The following SLC39A9 variants were observed in gnomAD, a reference collection of about 807,000 sequenced individuals.
SLC39A9 encodes solute carrier family 39 member 9, also known as zinc transporter ZIP9.
SLC39A9 carries 14 observed loss-of-function variants against 28.4 expected under a neutral mutation model. The observed-to-expected ratio is 0.49, with a 90% CI of 0.33 to 0.77. The LOEUF is 0.77. Among genes scored for constraint, SLC39A9 ranks in the 30% least tolerant of loss-of-function variants. The pLI is 0.02. For missense variants in SLC39A9, 283 were observed against 381.1 expected, an observed-to-expected ratio of 0.74 and a Z score of 2.14; for synonymous variants, 119 against 149.6, an observed-to-expected ratio of 0.80 and a Z score of 1.49.
intron 1 of SLC39A9, among the ~76,000 whole-genome samples, chr14:69,402,835 ACTTTGGGAGG>A (rs1882712053): frequency 6.6e-6 from 1 of 152,162 alleles, no homozygotes. Context: ...TAATCCCAGC[ACTTTGGGAGG>A]CTGAGGTGGG....
At chr14:69,457,848 G>T (rs560786427) in intron 6 of SLC39A9, among the ~76,000 whole-genome samples, 8 of 152,094 alleles carry the variant, frequency 5.3e-5, no homozygotes, top group Non-Finnish European at 1.2e-4. Flanking sequence ...GATTGTGCCT[G>T]TGAATAGCCA....
chr14:69,423,898 A>G (rs1884037032), intron 1 of SLC39A9, among the ~76,000 whole-genome samples, 196 bp from the exon 2 acceptor site: 1 of 33,284 alleles, frequency 3.0e-5, no homozygotes, highest in African/African-American at 5.0e-4. Flanking sequence ...TTCTGTCTCA[A>G]AAAAAAAAAA....
intron 3 of SLC39A9, among the ~76,000 whole-genome samples, chr14:69,452,907 T>C (rs1286446076): frequency 1.3e-5 from 2 of 152,096 alleles, no homozygotes; most frequent in South Asian, 4.1e-4. Context: ...GATTAAGGAA[T>C]AGGAGGAAGT....
Position 69,460,850 on chromosome 14 carries a change from T to C in SLC39A9, c.*2257T>C. The stretch of plus-strand genomic sequence containing the variant: ...TGCTGCCTCGAGAACTACTCATTTC[T>C]CTCCTGGTCAGCAGACAGAAATAGC... On this transcript the variant is annotated 3_prime_UTR_variant, in exon 7 of 7. Coordinates refer to ENST00000336643, the MANE Select transcript of SLC39A9 (RefSeq NM_018375.5). 3 of 985,430 alleles carry C rather than the reference T, an allele frequency of 3.0e-6. No homozygotes were observed. Among genetic ancestry groups the C allele is most frequent in the Non-Finnish European group, 3.6e-6 (3 of 829,942 alleles). The allele number at this position is 985,430 out of a possible 1,614,324, so 61.0% of individuals were successfully genotyped here.
In SLC39A9 at chr14:69,419,883, A is replaced by T. The variant is rs138361654; in HGVS notation, c.97-4211A>T. Among the ~76,000 whole-genome samples the T allele has an allele frequency of 5.9e-5, 9 of 152,184 alleles. No individual in the cohort carries two copies. The East Asian group carries it at 1.5e-3, about 26-fold the overall frequency. On this transcript the variant is annotated intron_variant, in intron 1 of 6. Coordinates refer to ENST00000336643, the MANE Select transcript of SLC39A9 (RefSeq NM_018375.5). ...TCCTCCATCCCTTTATTTTGAGCCT[A>T]TGTGTGTCCCTGCATGAGAGATGGG...
chr14:69,408,819 T>G (rs891669263), intron 1 of SLC39A9, among the ~76,000 whole-genome samples: 2 of 152,182 alleles, frequency 1.3e-5, no homozygotes, highest in African/African-American at 4.8e-5. Context: ...AGAAAAACAT[T>G]TTGAATTATT....
rs758966276 is a variant in SLC39A9 at position 69,424,073 on chromosome 14, T to C, written c.97-21T>C. On this transcript the variant is annotated intron_variant, in intron 1 of 6. Coordinates refer to ENST00000336643, the MANE Select transcript of SLC39A9 (RefSeq NM_018375.5). The stretch of plus-strand genomic sequence containing the variant: ...ATTAATTAATCAAAGTTTGCAATTA[T>C]TTCTTTTGCTTTCTCCCCAGGAACG... 33 of 1,592,836 alleles carry C rather than the reference T, an allele frequency of 2.1e-5. No individual in the cohort carries two copies. In the South Asian group the frequency reaches 3.4e-4, roughly 17 times the overall value.
chr14:69,447,034 T>C (rs904938599), intron 3 of SLC39A9, among the ~76,000 whole-genome samples: 2 of 151,620 alleles, frequency 1.3e-5, no homozygotes, highest in Admixed American at 1.3e-4. Flanking sequence ...GAAAGAGTGC[T>C]GGAGTTGGAA....
At chr14:69,436,140 G>A (rs762493709) in intron 2 of SLC39A9, among the ~76,000 whole-genome samples, 2 of 151,832 alleles carry the variant, frequency 1.3e-5, no homozygotes, top group African/African-American at 2.4e-5. Context: ...AGTGGCTCAC[G>A]CCTGTAATCC....
At chr14:69,412,155 C>T (rs1020854201) in intron 1 of SLC39A9, among the ~76,000 whole-genome samples, 9 of 151,470 alleles carry the variant, frequency 5.9e-5, no homozygotes, top group Non-Finnish European at 1.2e-4. Context: ...TTTGGGAGGC[C>T]GAGGCGGGTG....
chr14:69,461,821 G>C lies in SLC39A9; in HGVS notation c.*3228G>C. 7.1e-7 allele frequency: 1 copy of C among 1,417,712 alleles called. No homozygotes were observed. Among genetic ancestry groups the C allele is most frequent in the Non-Finnish European group, 9.5e-7 (1 of 1,051,874 alleles). 87.8% of individuals were successfully genotyped at this position (1,417,712 alleles called of 1,614,324 possible). On this transcript the variant is annotated 3_prime_UTR_variant, in exon 7 of 7. Coordinates refer to ENST00000336643, the MANE Select transcript of SLC39A9 (RefSeq NM_018375.5). ...AACCCCCAAAGGATGTTCCTGCCTT[G>C]TGGGCCCCTGAGCCCCTTGGGAGAC...
At chr14:69,404,904 A>G (rs1882831235) in intron 1 of SLC39A9, among the ~76,000 whole-genome samples, 1 of 152,180 alleles carries the variant, frequency 6.6e-6, no homozygotes, top group African/African-American at 2.4e-5. Flanking sequence ...GAGACTGGGT[A>G]ATTTATAAAC....
intron 6 of SLC39A9, 134 bp from the exon 7 acceptor site, chr14:69,458,229 C>A: frequency 1.9e-6 from 2 of 1,045,574 alleles, no homozygotes; most frequent in Non-Finnish European, 2.7e-6. Context: ...CTTAAAGTTG[C>A]TGTGTTCTCT....
chr14:69,444,132 G>A (rs1885179091), intron 3 of SLC39A9, among the ~76,000 whole-genome samples: 3 of 152,162 alleles, frequency 2.0e-5, no homozygotes, highest in Admixed American at 1.3e-4. Flanking sequence ...ACTACATTGA[G>A]CCACGATCAC....
intron 2 of SLC39A9, among the ~76,000 whole-genome samples, chr14:69,436,797 A>G (rs887384678): frequency 3.3e-5 from 5 of 152,146 alleles, no homozygotes; most frequent in African/African-American, 1.2e-4. Context: ...AGGTTTCTCT[A>G]TAGAGCTGTG....
At chr14:69,402,225 T>TA (rs879468233) in intron 1 of SLC39A9, among the ~76,000 whole-genome samples, 1,967 of 138,654 alleles carry the variant, frequency 0.014, 69 homozygotes, top group Admixed American at 0.079. Flanking sequence ...GGTGATGAGC[T>TA]AAAAAAAAAA....
intron 2 of SLC39A9, among the ~76,000 whole-genome samples, chr14:69,441,620 C>G (rs1046550390): frequency 1.3e-5 from 2 of 152,154 alleles, no homozygotes; most frequent in African/African-American, 4.8e-5. Context: ...CCTTATTTTA[C>G]ATTTTTATCT....
At position 69,458,530 on chromosome 14, in the gene SLC39A9, A is replaced by C. The variant is rs749744732; in HGVS notation, c.861A>C (p.Glu287Asp). Residue 287 changes from glutamate (E) to aspartate (D), a missense_variant, in exon 7 of 7, where the codon GAA (glutamate) becomes GAC (aspartate). Transcript: ENST00000336643. ...ATGGRGLSRLEVAALVLGCLI... is the reference protein window; with the variant it reads ...ATGGRGLSRLDVAALVLGCLI... ...GAGGGAGAGGCCTCAGCCGCCTGGA[A>C]GTGGCAGCCCTGGTTCTGGGTTGCC... is the stretch of plus-strand genomic sequence containing the variant. 10 of 1,614,214 alleles carry C rather than the reference A, an allele frequency of 6.2e-6. No individual in the cohort carries two copies. In the South Asian group the frequency reaches 1.1e-4, roughly 18 times the overall value.
chr14:69,453,288 G>A lies in SLC39A9; in HGVS notation c.451G>A (p.Gly151Ser), dbSNP rs752228108. 1.5e-5 allele frequency: 24 copies of A among 1,613,832 alleles called. No homozygotes were observed. Among genetic ancestry groups the A allele is most frequent in the Non-Finnish European group, 1.7e-6 (2 of 1,179,872 alleles). ...SSNSKITTTLGLVVHAAADGV... is the reference protein window; with the variant it reads ...SSNSKITTTLSLVVHAAADGV... ...CAATTCCAAAATCACCACCACGCTG[G>A]GTCTGGTTGTCCATGCTGCAGGTAG... The change falls in exon 4 of 7, where the codon GGT becomes AGT. Residue 151 changes from glycine (G) to serine (S), a missense_variant. Coordinates refer to ENST00000336643, the MANE Select transcript of SLC39A9 (RefSeq NM_018375.5).
Sources: gnomAD v4.1 joint callset for allele counts (sites outside exome capture counted in the v4.1 genomes callset) on GRCh38, gnomAD v4.1.1 for gene constraint, MANE v1.5 for transcripts, NCBI Gene and HGNC (gene_info 2026-07-23, HGNC 2026-07-21) for gene names.